The following ENPP3 variants were observed in gnomAD, a reference collection of about 807,000 sequenced individuals.
ENPP3 encodes the protein ectonucleotide pyrophosphatase/phosphodiesterase family member 3.
Under a neutral mutation model 117.8 loss-of-function variants are expected in ENPP3, and 104 were observed. The ratio of observed to expected loss-of-function variants is 0.88; its 90% CI spans 0.75 to 1.04. ENPP3 has a LOEUF of 1.04. Among genes scored for constraint, ENPP3 ranks in the 50% least tolerant of loss-of-function variants. The pLI is 0.00. For missense variants in ENPP3, 1,026 were observed against 1,051.9 expected, an observed-to-expected ratio of 0.98 and a Z score of 0.34; for synonymous variants, 380 against 349.9, an observed-to-expected ratio of 1.09 and a Z score of -0.96.
intron 10 of ENPP3, among the ~76,000 whole-genome samples, chr6:131,677,586 A>G (rs958264092): frequency 6.6e-6 from 1 of 152,192 alleles, no homozygotes; most frequent in African/African-American, 2.4e-5. Context: ...GGAAACAGAA[A>G]GGACTGGGAC....
At chr6:131,657,319 G>A (rs750742190) in intron 5 of ENPP3, among the ~76,000 whole-genome samples, 7 of 152,110 alleles carry the variant, frequency 4.6e-5, no homozygotes, top group Non-Finnish European at 7.4e-5. Context: ...CAGAAAGATA[G>A]CTCATGTCCC....
At chr6:131,691,696 G>C (rs1380228872) in intron 14 of ENPP3, among the ~76,000 whole-genome samples, 1 of 152,004 alleles carries the variant, frequency 6.6e-6, no homozygotes, top group East Asian at 1.9e-4. Context: ...TTCTTCACAG[G>C]TAGGTAGTGA....
intron 6 of ENPP3, among the ~76,000 whole-genome samples, chr6:131,670,323 G>A (rs1186966740): frequency 1.3e-5 from 2 of 152,172 alleles, no homozygotes; most frequent in Admixed American, 6.5e-5. Flanking sequence ...TCAGCTAGAT[G>A]CCAATGCTAT....
chr6:131,664,380 G>T (rs1464714189), intron 6 of ENPP3, among the ~76,000 whole-genome samples: 2 of 152,098 alleles, frequency 1.3e-5, no homozygotes, highest in Non-Finnish European at 2.9e-5. Context: ...TTACAACTGT[G>T]CAATGTGTTT....
intron 21 of ENPP3, among the ~76,000 whole-genome samples, chr6:131,735,869 C>A (rs781601398): frequency 6.6e-6 from 1 of 152,050 alleles, no homozygotes; most frequent in Non-Finnish European, 1.5e-5. Context: ...TTCAGTTAAG[C>A]AAGACAAATA....
At chr6:131,732,879 G>A (rs982819326) in intron 20 of ENPP3, among the ~76,000 whole-genome samples, 5 of 151,214 alleles carry the variant, frequency 3.3e-5, no homozygotes, top group Non-Finnish European at 4.4e-5. Flanking sequence ...ACAGGTGCCC[G>A]CCACCATACC....
intron 5 of ENPP3, among the ~76,000 whole-genome samples, chr6:131,653,123 A>G (rs918136191): frequency 6.6e-6 from 1 of 152,016 alleles, no homozygotes; most frequent in African/African-American, 2.4e-5. Context: ...TCTTACAACG[A>G]CGACTTTATT....
chr6:131,724,254 A>T (rs535542249), intron 19 of ENPP3, among the ~76,000 whole-genome samples, 163 bp downstream of exon 19: 1 of 148,888 alleles, frequency 6.7e-6, no homozygotes, highest in Non-Finnish European at 1.5e-5. Context: ...CAACAGATAT[A>T]ATGACAACAG....
intron 11 of ENPP3, among the ~76,000 whole-genome samples, chr6:131,679,078 T>TTTCTTTCTTTCC (rs1778962629): frequency 7.4e-6 from 1 of 134,882 alleles, no homozygotes; most frequent in South Asian, 2.4e-4. Flanking sequence ...TCTTTCTTTC[T>TTTCTTTCTTTCC]TTCTTTCTTT....
At chr6:131,735,498 T>A (rs1273096307) in intron 21 of ENPP3, among the ~76,000 whole-genome samples, 6 of 152,112 alleles carry the variant, frequency 3.9e-5, no homozygotes, top group African/African-American at 1.4e-4. Flanking sequence ...TGCATGCCTG[T>A]AATCCCACCT....
intron 23 of ENPP3, among the ~76,000 whole-genome samples, chr6:131,738,928 C>A (rs1780461901): frequency 6.6e-6 from 1 of 152,142 alleles, no homozygotes; most frequent in Non-Finnish European, 1.5e-5. Flanking sequence ...GTCCTTATTT[C>A]AGTGTTGAAT....
chr6:131,692,769 A>T lies in ENPP3; in HGVS notation c.1285-728A>T, dbSNP rs565315983. Among the ~76,000 whole-genome samples, 50 of 145,518 alleles carry T rather than the reference A, an allele frequency of 3.4e-4. 1 individual carries two copies. The East Asian group carries it at 8.3e-3, about 24-fold the overall frequency. On this transcript the variant is annotated intron_variant, in intron 14 of 24. Coordinates refer to ENST00000357639, the MANE Select transcript of ENPP3 (RefSeq NM_005021.5). ...GATATATGATATATGGTTATATATG[A>T]TATATGGTTATATATGATATAATAT... is the stretch of plus-strand genomic sequence containing the variant.
intron 6 of ENPP3, among the ~76,000 whole-genome samples, chr6:131,668,009 C>T (rs1179141845): frequency 6.6e-6 from 1 of 151,934 alleles, no homozygotes; most frequent in East Asian, 1.9e-4. Flanking sequence ...AACATTATGG[C>T]TAATCTTTCT....
intron 6 of ENPP3, among the ~76,000 whole-genome samples, chr6:131,664,316 A>G (rs1327579263): frequency 2.0e-5 from 3 of 152,140 alleles, no homozygotes; most frequent in African/African-American, 7.2e-5. Context: ...AAAAGTAAAA[A>G]CAAAAAATTA....
rs1450785233 is a variant in ENPP3, at chr6:131,676,811, A to G, written c.938+10A>G. The G allele has an allele frequency of 6.3e-7, 1 of 1,591,750 alleles. No individual in the cohort carries two copies. The highest frequency in any genetic ancestry group is 8.6e-7 in the Non-Finnish European group (1 of 1,160,108). On this transcript the variant is annotated intron_variant, in intron 10 of 24. Transcript: ENST00000357639. Reference sequence around the variant, plus strand: ...TGCCCAAAGCTGAAAGGTAATGTCTAGTGTCAGAAAAGTGCTGGCATAGTG... The same window carrying G: ...TGCCCAAAGCTGAAAGGTAATGTCTGGTGTCAGAAAAGTGCTGGCATAGTG...
chr6:131,688,061 G>A (rs1779192304), intron 14 of ENPP3, among the ~76,000 whole-genome samples: 1 of 152,038 alleles, frequency 6.6e-6, no homozygotes, highest in South Asian at 2.1e-4. Flanking sequence ...ATGTGTCTGT[G>A]TCACCTTTTG....
At chr6:131,676,125 C>T (rs900810631) in intron 9 of ENPP3, among the ~76,000 whole-genome samples, 5 of 152,012 alleles carry the variant, frequency 3.3e-5, no homozygotes, top group African/African-American at 9.7e-5. Context: ...TCCATGGATC[C>T]GAATGCCTAC....
At chr6:131,737,263 T>C in intron 21 of ENPP3, 92 bp from the exon 22 acceptor site, 1 of 734,984 alleles carries the variant, frequency 1.4e-6, no homozygotes, top group Non-Finnish European at 2.3e-6. Flanking sequence ...TGTTAATAAA[T>C]TTATATTAAT....
intron 12 of ENPP3, among the ~76,000 whole-genome samples, chr6:131,685,024 A>G (rs1189825944): frequency 6.6e-6 from 1 of 152,142 alleles, no homozygotes; most frequent in African/African-American, 2.4e-5. Flanking sequence ...GCCTCAAGTG[A>G]GTTCCCCCCT....
Sources: allele counts gnomAD v4.1 joint callset (sites outside exome capture counted in the v4.1 genomes callset), GRCh38; gene constraint gnomAD v4.1.1; transcripts MANE v1.5; gene names NCBI Gene and HGNC (gene_info 2026-07-23, HGNC 2026-07-21).